The following PAQR5 variants were observed in gnomAD, a reference collection of about 807,000 sequenced individuals.
The protein encoded by PAQR5 is membrane progestin receptor gamma.
In PAQR5, 20 loss-of-function variants were observed where a neutral mutation model predicts 34.5. The ratio of observed to expected loss-of-function variants is 0.58; its 90% CI spans 0.41 to 0.84. PAQR5 has a LOEUF of 0.84. Among genes scored for constraint, PAQR5 ranks in the 40% least tolerant of loss-of-function variants. The pLI is 0.00. For missense variants in PAQR5, 378 were observed against 412.7 expected (o/e 0.92, Z 0.73); for synonymous variants, 131 against 155.6 (o/e 0.84, Z 1.18).
At chr15:69,377,092 G>A (rs1297096661) in intron 3 of PAQR5, among the ~76,000 whole-genome samples, 1 of 152,206 alleles carries the variant, frequency 6.6e-6, no homozygotes, top group Non-Finnish European at 1.5e-5. Flanking sequence ...TTGGTTTATA[G>A]GATCTGCTAG....
chr15:69,334,300 T>A (rs2054462473), intron 1 of PAQR5, among the ~76,000 whole-genome samples: 1 of 152,234 alleles, frequency 6.6e-6, no homozygotes, highest in South Asian at 2.1e-4. Context: ...AGTGCTGGGA[T>A]AACAGGCATG....
At chr15:69,333,848 T>C (rs866471016) in intron 1 of PAQR5, among the ~76,000 whole-genome samples, 1 of 152,202 alleles carries the variant, frequency 6.6e-6, no homozygotes, top group African/African-American at 2.4e-5. Flanking sequence ...AAGTGCTGAA[T>C]CTTCTGTCTG....
intron 1 of PAQR5, among the ~76,000 whole-genome samples, chr15:69,315,988 C>T (rs1204629696): frequency 6.6e-6 from 1 of 152,136 alleles, no homozygotes; most frequent in Non-Finnish European, 1.5e-5. Flanking sequence ...TCGGGGAAGG[C>T]GGAGGGCTTA....
chr15:69,400,007 G>A lies in PAQR5; in HGVS notation c.643G>A (p.Glu215Lys), dbSNP rs765257326. ...FLFPGESAQNEATSYHQKHMI... is the reference protein window; with the variant it reads ...FLFPGESAQNKATSYHQKHMI... ...GTTCCCAGGGGAGAGTGCACAAAATGAAGCCACCTCGTACCACCAGAAGCA... is the reference window on the plus strand; with the variant it reads ...GTTCCCAGGGGAGAGTGCACAAAATAAAGCCACCTCGTACCACCAGAAGCA... The change falls in exon 8 of 9, where the codon GAA (glutamate) becomes AAA (lysine). Residue 215 changes from glutamate to lysine, a missense_variant. By Grantham distance (56) the Glu-to-Lys change is moderately conservative. Transcript: ENST00000395407. 1.2e-6 allele frequency: 2 copies of A among 1,614,142 alleles called. No individual in the cohort carries two copies. The highest frequency in any genetic ancestry group is 2.2e-5 in the East Asian group (1 of 44,876).
At chr15:69,308,964 C>A (rs1418079960) in intron 1 of PAQR5, among the ~76,000 whole-genome samples, 1 of 152,136 alleles carries the variant, frequency 6.6e-6, no homozygotes, top group Non-Finnish European at 1.5e-5. Context: ...CATGAGAGTG[C>A]TAAGGAAATC....
At chr15:69,327,941 G>C (rs2054291365) in intron 1 of PAQR5, among the ~76,000 whole-genome samples, 1 of 152,004 alleles carries the variant, frequency 6.6e-6, no homozygotes, top group East Asian at 1.9e-4. Flanking sequence ...ACCACACCCG[G>C]CTAATTTTTT....
intron 2 of PAQR5, among the ~76,000 whole-genome samples, chr15:69,344,103 A>C (rs1468468487): frequency 6.6e-6 from 1 of 152,026 alleles, no homozygotes; most frequent in Non-Finnish European, 1.5e-5. Context: ...CAAATTGCTG[A>C]GATTACAGGC....
intron 1 of PAQR5, among the ~76,000 whole-genome samples, chr15:69,317,150 A>G (rs933975488): frequency 5.9e-5 from 9 of 152,214 alleles, no homozygotes; most frequent in Non-Finnish European, 1.3e-4. Flanking sequence ...TGAGTGCTCA[A>G]TAGTGGTGTT....
intron 3 of PAQR5, among the ~76,000 whole-genome samples, chr15:69,375,422 T>C (rs2055680449): frequency 6.6e-6 from 1 of 152,196 alleles, no homozygotes; most frequent in Non-Finnish European, 1.5e-5. Context: ...GGTTAGGACT[T>C]TAACTTAACA....
intron 2 of PAQR5, among the ~76,000 whole-genome samples, chr15:69,359,062 C>A (rs1175736569): frequency 6.6e-6 from 1 of 152,138 alleles, no homozygotes; most frequent in Non-Finnish European, 1.5e-5. Flanking sequence ...CCAGCAGATT[C>A]CCCGTCTGGT....
chr15:69,361,919 A>T (rs367597310), intron 3 of PAQR5, among the ~76,000 whole-genome samples: 16 of 151,894 alleles, frequency 1.1e-4, no homozygotes, highest in African/African-American at 3.6e-4. Flanking sequence ...CAGTGTGAGC[A>T]AAGGCCTAGA....
At chr15:69,325,648 C>G (rs2054233567) in intron 1 of PAQR5, among the ~76,000 whole-genome samples, 2 of 152,182 alleles carry the variant, frequency 1.3e-5, no homozygotes, top group Admixed American at 1.3e-4. Context: ...TTCCTGCCCA[C>G]TCTCCACTTC....
chr15:69,303,637 T>A (rs1477792533), intron 1 of PAQR5, among the ~76,000 whole-genome samples: 1 of 150,672 alleles, frequency 6.6e-6, no homozygotes, highest in Non-Finnish European at 1.5e-5. Context: ...ACTGGAGAAC[T>A]AAGGAAGTCC....
At chr15:69,313,215 A>C (rs1012141013) in intron 1 of PAQR5, among the ~76,000 whole-genome samples, 1 of 152,200 alleles carries the variant, frequency 6.6e-6, no homozygotes, top group African/African-American at 2.4e-5. Context: ...AAGGGAACCC[A>C]GCCAGGCACA....
intron 1 of PAQR5, among the ~76,000 whole-genome samples, chr15:69,337,075 G>A (rs926944353): frequency 6.6e-6 from 1 of 152,178 alleles, no homozygotes; most frequent in South Asian, 2.1e-4. Context: ...GAGGAAAAAA[G>A]GAAACTTCTA....
chr15:69,362,336 T>G (rs1040534059), intron 3 of PAQR5, among the ~76,000 whole-genome samples: 4 of 152,158 alleles, frequency 2.6e-5, no homozygotes, highest in Non-Finnish European at 5.9e-5. Flanking sequence ...CACTATTGGG[T>G]TTTTGGGCAT....
intron 2 of PAQR5, among the ~76,000 whole-genome samples, chr15:69,337,716 C>T (rs1414756505): frequency 1.4e-5 from 2 of 145,882 alleles, no homozygotes; most frequent in Non-Finnish European, 3.0e-5. Flanking sequence ...ATTCTTGCTG[C>T]ACTTTATGCA....
chr15:69,317,302 G>T (rs2053976265), intron 1 of PAQR5, among the ~76,000 whole-genome samples: 1 of 152,154 alleles, frequency 6.6e-6, no homozygotes, highest in Admixed American at 6.5e-5. Flanking sequence ...TATGCAGGCG[G>T]GGGCATCCAC....
At chr15:69,299,433 C>A (rs1337495866) in intron 1 of PAQR5, among the ~76,000 whole-genome samples, 2 of 149,290 alleles carry the variant, frequency 1.3e-5, no homozygotes, top group South Asian at 2.3e-4. Context: ...TTTAATAAAA[C>A]CCTTGGATTG....
Sources: allele counts gnomAD v4.1 joint callset (sites outside exome capture counted in the v4.1 genomes callset), GRCh38; gene constraint gnomAD v4.1.1; transcripts MANE v1.5; gene names NCBI Gene and HGNC (gene_info 2026-07-23, HGNC 2026-07-21).